ZNF701: variants seen among roughly 807,000 people sequenced by gnomAD.
ZNF701 encodes the protein zinc finger protein 701.
ZNF701 carries 6 observed loss-of-function variants against 7.1 expected under a neutral mutation model. The observed-to-expected ratio is 0.84, with a 90% confidence interval of 0.46 to 1.66. The LOEUF (loss-of-function observed/expected upper bound fraction) is 1.66. ZNF701 is among the 40% of genes most tolerant of loss of function. The pLI, the probability that ZNF701 is intolerant of heterozygous loss-of-function variation, is 0.01. For synonymous variants in ZNF701, 166 were observed against 188.2 expected, an observed-to-expected ratio of 0.88 and a Z score of 0.97; for missense variants, 541 against 559.2, an observed-to-expected ratio of 0.97 and a Z score of 0.33.
At chr19:52,573,755 G>C (rs1457156611) in intron 1 of ZNF701, among the ~76,000 whole-genome samples, 1 of 152,036 alleles carries the variant, frequency 6.6e-6, no homozygotes, top group East Asian at 1.9e-4. Context: ...GAGCTCAAGC[G>C]ATGTACCCAC....
At chr19:52,593,802 C>T in the ZNF701 span, among the ~76,000 whole-genome samples, 800 of 111,356 alleles carry the variant, frequency 7.2e-3, 205 homozygotes, top group African/African-American at 0.027. Flanking sequence ...AGACGATGGG[C>T]GGCCGGGCAG....
At chr19:52,599,852 C>G in the ZNF701 span, among the ~76,000 whole-genome samples, 1 of 152,314 alleles carries the variant, frequency 6.6e-6, no homozygotes, top group East Asian at 1.9e-4. Flanking sequence ...TGTTGTAAAA[C>G]TCACACTTGC....
In ZNF701 at chr19:52,582,910, C is replaced by T. The variant is rs1198905772; in HGVS notation, c.851C>T (p.Ala284Val). 2 of 1,613,940 alleles carry T rather than the reference C, an allele frequency of 1.2e-6. No homozygotes were observed. The highest frequency in any genetic ancestry group is 1.7e-6 in the Non-Finnish European group (2 of 1,180,012). ...GGCAAGACATTCAGTCACAATTCAGCCCTGTTAGTTCACAAGGCAATTCAT... is the reference window on the plus strand; with the variant it reads ...GGCAAGACATTCAGTCACAATTCAGTCCTGTTAGTTCACAAGGCAATTCAT... ...ECGKTFSHNS[A>V]LLVHKAIHTG... The change falls in exon 4 of 4, where the codon GCC becomes GTC. Residue 284 changes from alanine to valine, a missense_variant. Coordinates refer to ENST00000391785, the MANE Select transcript of ZNF701 (RefSeq NM_018260.3).
chr19:52,592,164 C>G, downstream of ZNF701: 1 of 1,533,592 alleles, frequency 6.5e-7, no homozygotes. Context: ...AATGCCTGAA[C>G]CCTGCACAGA....
At chr19:52,595,277 C>CTTTT in the ZNF701 span, among the ~76,000 whole-genome samples, 18,408 of 147,638 alleles carry the variant, frequency 0.12, 1,242 homozygotes, top group Middle Eastern at 0.16. Flanking sequence ...ACCATCTGTA[C>CTTTT]TTTTTTTTTT....
intron 3 of ZNF701, among the ~76,000 whole-genome samples, chr19:52,577,042 C>T (rs1174152455): frequency 6.6e-6 from 1 of 152,188 alleles, no homozygotes. Context: ...AGTTTCAATC[C>T]TGAGATCTCT....
Position 52,583,332 on chromosome 19 carries a change from C to T in ZNF701, c.1273C>T (p.Leu425Phe), listed in dbSNP as rs1474857216. The T allele has an allele frequency of 1.9e-6, 3 of 1,604,740 alleles. No homozygotes were observed. The highest frequency in any genetic ancestry group is 1.7e-5 in the Admixed American group (1 of 59,848). The change falls in exon 4 of 4, where the codon CTT becomes TTT. Residue 425 changes from leucine (L) to phenylalanine (F), a missense_variant. Physicochemically the swap from Leu to Phe is conservative, Grantham distance 22. Coordinates refer to ENST00000391785, the MANE Select transcript of ZNF701 (RefSeq NM_018260.3). ...CGKVFNHKSNLACHRRLHTGE... is the reference protein window; with the variant it reads ...CGKVFNHKSNFACHRRLHTGE... ...CAAGGTTTTTAATCACAAATCAAAC[C>T]TTGCATGTCATCGTAGACTTCATAC...
chr19:52,593,557 G>T, the ZNF701 span, among the ~76,000 whole-genome samples: 22 of 113,394 alleles, frequency 1.9e-4, no homozygotes, highest in African/African-American at 7.2e-4. Flanking sequence ...ACCTCCCTCC[G>T]GGACGAGGTG....
chr19:52,572,463 A>G (rs193237328), intron 1 of ZNF701: 9 of 1,218,268 alleles, frequency 7.4e-6, no homozygotes, highest in Non-Finnish European at 9.5e-6. Context: ...GTGGCATCAG[A>G]ACTTGCAAAG....
At chr19:52,598,622 C>G in the ZNF701 span, 1 of 152,136 alleles carries the variant, frequency 6.6e-6, no homozygotes, top group Non-Finnish European at 1.5e-5. Context: ...TGGAAATAAA[C>G]TCAGGGCCCG....
the ZNF701 span, among the ~76,000 whole-genome samples, chr19:52,592,764 A>AT: frequency 3.3e-5 from 4 of 121,898 alleles, 1 homozygote; most frequent in South Asian, 2.6e-4. Context: ...CTAATTTTGT[A>AT]TTTTTTTTAT....
chr19:52,593,855 C>A, the ZNF701 span, among the ~76,000 whole-genome samples: 1 of 113,552 alleles, frequency 8.8e-6, no homozygotes, highest in African/African-American at 3.4e-5. Flanking sequence ...GGCAGAGGGG[C>A]TCCTCACATC....
rs1600092829 is a variant in ZNF701, at chr19:52,586,935, C to T, written c.*3478C>T. ...TGACCCACCTACATGGCTCCGTGTC[C>T]CCTGCAGGCCTCGCCCCGGAGCTCT... On this transcript the variant is annotated 3_prime_UTR_variant, in exon 4 of 4. Coordinates refer to ENST00000391785, the MANE Select transcript of ZNF701 (RefSeq NM_018260.3). 6.6e-6 allele frequency: 1 copy of T among 152,260 alleles called. No individual in the cohort carries two copies. Among genetic ancestry groups the T allele is most frequent in the East Asian group, 1.9e-4 (1 of 5,176 alleles). 9.4% of individuals were successfully genotyped at this position (152,260 alleles called of 1,614,324 possible).
At position 52,583,140 on chromosome 19, in the gene ZNF701, A is replaced by G; in HGVS notation, c.1081A>G (p.Lys361Glu). Reference sequence around the variant, plus strand: ...ACCATACAAATGTAAGGTTTGTGACAAGGCTTTCAGACGTGATTCACACCT... The same window carrying G: ...ACCATACAAATGTAAGGTTTGTGACGAGGCTTTCAGACGTGATTCACACCT... Reference protein sequence around the residue: ...EKPYKCKVCDKAFRRDSHLAQ... With the variant: ...EKPYKCKVCDEAFRRDSHLAQ... The change falls in exon 4 of 4, where the codon AAG becomes GAG. Residue 361 changes from lysine (K) to glutamate (E), a missense_variant. Transcript: ENST00000391785. 1 of 1,613,870 alleles carries G rather than the reference A, an allele frequency of 6.2e-7. No individual in the cohort carries two copies. The highest frequency in any genetic ancestry group is 8.5e-7 in the Non-Finnish European group (1 of 1,179,850).
chr19:52,581,099 G>T (rs1036581535), intron 3 of ZNF701, among the ~76,000 whole-genome samples: 2 of 152,044 alleles, frequency 1.3e-5, no homozygotes, highest in Non-Finnish European at 1.5e-5. Context: ...ACTCTGTCCA[G>T]TGACAGAGTG....
At chr19:52,592,217 T>C in the ZNF701 span, 9 of 1,577,410 alleles carry the variant, frequency 5.7e-6, no homozygotes, top group Non-Finnish European at 7.8e-6. Flanking sequence ...TACAGGAACC[T>C]GGAGTTTGTG....
chr19:52,583,966 T>G lies in ZNF701; in HGVS notation c.*509T>G. On this transcript the variant is annotated 3_prime_UTR_variant, in exon 4 of 4. Coordinates refer to ENST00000391785, the MANE Select transcript of ZNF701 (RefSeq NM_018260.3). The stretch of plus-strand genomic sequence containing the variant: ...CAGGAGAGAAATCTTACAAATGTGA[T>G]GATTGTGGCAAGGTCTTCAGTCAAG... The G allele has an allele frequency of 4.8e-6, 2 of 412,654 alleles. No homozygotes were observed. The highest frequency in any genetic ancestry group is 3.7e-5 in the South Asian group (2 of 53,544). The allele number at this position is 412,654 out of a possible 1,614,324, so 25.6% of individuals were successfully genotyped here.
chr19:52,575,748 G>A (rs1423314454), intron 2 of ZNF701, 147 bp from the exon 3 acceptor site: 3 of 567,424 alleles, frequency 5.3e-6, no homozygotes, highest in Non-Finnish European at 8.9e-6. Context: ...CCACTGGGAA[G>A]ACATCATGTG....
chr19:52,586,233 G>A lies in ZNF701; in HGVS notation c.*2776G>A, dbSNP rs2060010984. On this transcript the variant is annotated 3_prime_UTR_variant, in exon 4 of 4. Transcript: ENST00000391785. ...ATTTTTGTGTTCTTGGTAGAGACCG[G>A]GTTTTGCCTTGTTGTCTAGGTTGGG... The A allele has an allele frequency of 6.6e-6, 1 of 151,956 alleles. No homozygotes were observed. The highest frequency in any genetic ancestry group is 2.1e-4 in the South Asian group (1 of 4,816). The allele number at this position is 151,956 out of a possible 1,614,324, so 9.4% of individuals were successfully genotyped here.
Sources: gnomAD v4.1 joint callset for allele counts (sites outside exome capture counted in the v4.1 genomes callset) on GRCh38, gnomAD v4.1.1 for gene constraint, MANE v1.5 for transcripts, NCBI Gene and HGNC (gene_info 2026-07-23, HGNC 2026-07-21) for gene names.